PTPRT: variants seen among roughly 807,000 people sequenced by gnomAD.
PTPRT encodes the protein protein tyrosine phosphatase receptor type T.
A neutral mutation model predicts 176.8 loss-of-function variants in PTPRT; 56 were observed. The ratio of observed to expected loss-of-function variants is 0.32; its 90% CI spans 0.26 to 0.40. The LOEUF (loss-of-function observed/expected upper bound fraction) is 0.40, where lower values mean the gene tolerates loss of function less well. PTPRT is among the 10% of genes least tolerant of loss of function. PTPRT has a pLI of 1.00. For synonymous variants in PTPRT, 783 were observed against 739.0 expected, an observed-to-expected ratio of 1.06 and a Z score of -0.96; for missense variants, 1,540 against 1,908.2, an observed-to-expected ratio of 0.81 and a Z score of 3.60.
In PTPRT at chr20:42,482,422, G is replaced by A. The variant is rs62204940; in HGVS notation, c.1154-9860C>T. 8.3e-3 allele frequency among the ~76,000 whole-genome samples: 1,269 copies of A among 152,252 alleles called. 11 individuals are homozygous for A. The highest frequency in any genetic ancestry group is 0.014 in the Middle Eastern group (4 of 294). ...CAACTAGGGCAGTTGTAACAGTATG[G>A]TAAGAGTATTCTTTGCCAAAAGTAA... On this transcript the variant is annotated intron_variant, in intron 7 of 30. Transcript: ENST00000373187.
intron 9 of PTPRT, among the ~76,000 whole-genome samples, chr20:42,378,307 T>A (rs2058669051): frequency 6.6e-6 from 1 of 152,196 alleles, no homozygotes; most frequent in South Asian, 2.1e-4. Context: ...AGATACCTAC[T>A]GACTGTATGA....
At chr20:43,004,196 T>C (rs1281386585) in intron 1 of PTPRT, among the ~76,000 whole-genome samples, 2 of 145,734 alleles carry the variant, frequency 1.4e-5, no homozygotes, top group Non-Finnish European at 3.0e-5. Context: ...AGACTACAAA[T>C]ATATATGAAG....
chr20:42,937,294 A>G (rs1196003305), intron 1 of PTPRT, among the ~76,000 whole-genome samples: 3 of 152,212 alleles, frequency 2.0e-5, no homozygotes, highest in African/African-American at 7.2e-5. Flanking sequence ...GATCTCTAGC[A>G]GTCAGAGACT....
chr20:42,317,966 A>ATC (rs530181172), intron 11 of PTPRT, among the ~76,000 whole-genome samples: 67 of 152,244 alleles, frequency 4.4e-4, no homozygotes, highest in African/African-American at 1.6e-3. Context: ...TGCACACTAC[A>ATC]TCTGAGGGTG....
chr20:42,475,065 T>C (rs1445435107), intron 7 of PTPRT, among the ~76,000 whole-genome samples: 1 of 152,168 alleles, frequency 6.6e-6, no homozygotes, highest in Admixed American at 6.5e-5. Context: ...AATATAATTT[T>C]TGAGGTCTTT....
intron 5 of PTPRT, among the ~76,000 whole-genome samples, chr20:42,767,804 T>C (rs1461559859): frequency 6.8e-6 from 1 of 146,434 alleles, no homozygotes; most frequent in Non-Finnish European, 1.5e-5. Flanking sequence ...ATATTACATA[T>C]AATTATATAT....
chr20:42,734,941 A>G (rs896311851), intron 6 of PTPRT, among the ~76,000 whole-genome samples: 5 of 152,220 alleles, frequency 3.3e-5, no homozygotes, highest in African/African-American at 9.6e-5. Context: ...CTCAAGGTCA[A>G]TGGGGCTTTG....
intron 17 of PTPRT, among the ~76,000 whole-genome samples, chr20:42,153,861 G>C (rs1989237534): frequency 6.6e-6 from 1 of 152,164 alleles, no homozygotes; most frequent in Non-Finnish European, 1.5e-5. Flanking sequence ...CAAGATCCTA[G>C]ATCCCTCCAA....
chr20:42,213,499 G>A (rs1366361049), intron 15 of PTPRT, among the ~76,000 whole-genome samples: 4 of 152,128 alleles, frequency 2.6e-5, no homozygotes, highest in African/African-American at 9.7e-5. Flanking sequence ...CCACTCTCTG[G>A]CCGCAAAAGA....
chr20:42,877,060 A>C (rs2078944309), intron 2 of PTPRT, among the ~76,000 whole-genome samples: 1 of 152,214 alleles, frequency 6.6e-6, no homozygotes, highest in Non-Finnish European at 1.5e-5. Flanking sequence ...AGAGATATCA[A>C]CTATGACTAT....
intron 11 of PTPRT, among the ~76,000 whole-genome samples, chr20:42,334,528 A>G (rs2145447910): frequency 6.6e-6 from 1 of 152,386 alleles, no homozygotes; most frequent in Admixed American, 6.5e-5. Flanking sequence ...AATGCATTAA[A>G]TTAGTAAAAG....
At chr20:42,936,375 T>C (rs1327018787) in intron 1 of PTPRT, among the ~76,000 whole-genome samples, 1 of 152,204 alleles carries the variant, frequency 6.6e-6, no homozygotes, top group Non-Finnish European at 1.5e-5. Flanking sequence ...GACAGGAGAA[T>C]GAAGCCAGGG....
At chr20:42,156,993 C>T (rs1323656668) in intron 17 of PTPRT, among the ~76,000 whole-genome samples, 1 of 152,212 alleles carries the variant, frequency 6.6e-6, no homozygotes, top group African/African-American at 2.4e-5. Flanking sequence ...AAGCCAAAGT[C>T]CTTATAACGG....
At chr20:42,258,285 G>A (rs950422863) in intron 13 of PTPRT, among the ~76,000 whole-genome samples, 3 of 152,108 alleles carry the variant, frequency 2.0e-5, no homozygotes, top group Non-Finnish European at 4.4e-5. Context: ...ATATCTAAGG[G>A]ATTGATGAAC....
chr20:42,933,677 C>T (rs1405499030), intron 1 of PTPRT, among the ~76,000 whole-genome samples: 4 of 152,188 alleles, frequency 2.6e-5, no homozygotes. Context: ...GTTTTGTCTA[C>T]CAGCTCATGC....
At chr20:42,876,557 A>G (rs2078934998) in intron 2 of PTPRT, among the ~76,000 whole-genome samples, 1 of 152,138 alleles carries the variant, frequency 6.6e-6, no homozygotes. Flanking sequence ...ACCTGGGACC[A>G]AGTGGCCCAT....
chr20:43,065,377 AC>A (rs1202494517), intron 1 of PTPRT, among the ~76,000 whole-genome samples: 1 of 152,184 alleles, frequency 6.6e-6, no homozygotes, highest in Middle Eastern at 3.2e-3. Context: ...TTTGTACATA[AC>A]TTTCACTCAC....
intron 7 of PTPRT, among the ~76,000 whole-genome samples, chr20:42,615,607 T>C (rs1600476482): frequency 1.5e-5 from 2 of 135,036 alleles, no homozygotes; most frequent in East Asian, 3.9e-4. Flanking sequence ...TGTTGTTTCC[T>C]GACTTTTTAA....
intron 2 of PTPRT, among the ~76,000 whole-genome samples, chr20:42,799,565 G>T (rs2077500515): frequency 6.6e-6 from 1 of 152,102 alleles, no homozygotes; most frequent in Non-Finnish European, 1.5e-5. Flanking sequence ...AAAAACAATG[G>T]AACCCAAAAC....
Sources: gnomAD v4.1 joint callset for allele counts (sites outside exome capture counted in the v4.1 genomes callset) on GRCh38, gnomAD v4.1.1 for gene constraint, MANE v1.5 for transcripts, NCBI Gene and HGNC (gene_info 2026-07-23, HGNC 2026-07-21) for gene names.